The following PHF20 variants were observed in gnomAD, a reference collection of about 807,000 sequenced individuals.
PHF20 encodes glioma-expressed antigen 2.
Under a neutral mutation model 113.5 loss-of-function variants are expected in PHF20, and 23 were observed. That is an observed-to-expected ratio of 0.20 (90% CI 0.15 to 0.29). The LOEUF is 0.29. Among genes scored for constraint, PHF20 ranks in the 10% least tolerant of loss-of-function variants. The probability of loss-of-function intolerance (pLI) is 1.00; values close to 1 mark genes in which losing one functional copy is unlikely to be tolerated. For synonymous variants in PHF20, 434 were observed against 457.3 expected, an observed-to-expected ratio of 0.95 and a Z score of 0.65; for missense variants, 943 against 1,219.6, an observed-to-expected ratio of 0.77 and a Z score of 3.38.
intron 2 of PHF20, among the ~76,000 whole-genome samples, chr20:35,816,235 G>A (rs755558229): frequency 2.0e-5 from 3 of 152,098 alleles, no homozygotes; most frequent in South Asian, 2.1e-4. Flanking sequence ...GATTACAGGC[G>A]TGAGCCACTG....
chr20:35,785,066 G>C (rs912579828), intron 1 of PHF20, among the ~76,000 whole-genome samples: 1 of 151,614 alleles, frequency 6.6e-6, no homozygotes, highest in African/African-American at 2.4e-5. Flanking sequence ...AAAAAAAAGA[G>C]GGTAGTGGGT....
intron 3 of PHF20, 64 bp downstream of exon 3, chr20:35,842,808 A>C (rs1395323085): frequency 1.7e-5 from 25 of 1,432,386 alleles, no homozygotes; most frequent in Non-Finnish European, 2.3e-5. Context: ...TTTGTGTTTC[A>C]ATCTTTGATG....
intron 1 of PHF20, among the ~76,000 whole-genome samples, chr20:35,790,537 A>G (rs1474187253): frequency 1.3e-5 from 2 of 152,060 alleles, no homozygotes; most frequent in Non-Finnish European, 2.9e-5. Flanking sequence ...CACCTATATG[A>G]TGGTTTGAAG....
At chr20:35,880,852 C>G (rs1245679666) in intron 9 of PHF20, among the ~76,000 whole-genome samples, 1 of 151,820 alleles carries the variant, frequency 6.6e-6, no homozygotes, top group African/African-American at 2.4e-5. Context: ...CCTAGCTACT[C>G]GAGAGGCTGA....
chr20:35,899,291 G>T, intron 9 of PHF20, 79 bp from the exon 10 acceptor site: 1 of 1,200,918 alleles, frequency 8.3e-7, no homozygotes, highest in Non-Finnish European at 1.2e-6. Flanking sequence ...TTCACCCTCA[G>T]TTGTCATGTG....
chr20:35,884,392 G>T (rs1362969543), intron 9 of PHF20, among the ~76,000 whole-genome samples: 6 of 152,134 alleles, frequency 3.9e-5, no homozygotes, highest in Non-Finnish European at 7.4e-5. Flanking sequence ...TCTAGTCTAG[G>T]GCTAGCTGTT....
intron 9 of PHF20, among the ~76,000 whole-genome samples, chr20:35,892,364 C>T (rs1471896519): frequency 4.6e-5 from 7 of 151,498 alleles, no homozygotes; most frequent in Admixed American, 4.0e-4. Flanking sequence ...CGTGAGCCAC[C>T]GCACCCGGCC....
Position 35,877,166 on chromosome 20 carries a change from T to A in PHF20, c.1282+5337T>A, listed in dbSNP as rs542139576. On this transcript the variant is annotated intron_variant, in intron 9 of 17. Coordinates refer to ENST00000374012, the MANE Select transcript of PHF20 (RefSeq NM_016436.5). ...TTTGCTGGGCATGGTGGTGGGCGCC[T>A]GTAATCCTGGATACTTGGGAGGCTG... 1.4e-3 allele frequency among the ~76,000 whole-genome samples: 198 copies of A among 145,564 alleles called. 3 individuals carry two copies. Among genetic ancestry groups the A allele is most frequent in the Non-Finnish European group, 1.5e-3 (97 of 66,636 alleles).
intron 2 of PHF20, among the ~76,000 whole-genome samples, chr20:35,804,691 TTTTA>T (rs1199274896): frequency 6.6e-6 from 1 of 151,928 alleles, no homozygotes; most frequent in African/African-American, 2.4e-5. Flanking sequence ...ATTTATTATT[TTTTA>T]TTGTATTTTT....
At chr20:35,890,299 G>T (rs938078324) in intron 9 of PHF20, among the ~76,000 whole-genome samples, 1 of 152,130 alleles carries the variant, frequency 6.6e-6, no homozygotes, top group South Asian at 2.1e-4. Flanking sequence ...CAAAGTGCTG[G>T]AATTACAGGC....
intron 9 of PHF20, among the ~76,000 whole-genome samples, chr20:35,896,103 G>GTGTGTGTGTGTGTGTGTGTGTT (rs1467701010): frequency 3.9e-4 from 60 of 152,098 alleles, no homozygotes; most frequent in African/African-American, 1.4e-3. Flanking sequence ...GTGTGTGTGT[G>GTGTGTGTGTGTGTGTGTGTGTT]TGTGTGTGTG....
chr20:35,870,468 G>A (rs2146988365), intron 7 of PHF20, among the ~76,000 whole-genome samples: 1 of 152,146 alleles, frequency 6.6e-6, no homozygotes, highest in Admixed American at 6.6e-5. Context: ...GTGATAGAGT[G>A]AGACTCTGTC....
intron 1 of PHF20, among the ~76,000 whole-genome samples, chr20:35,777,565 C>G (rs182866770): frequency 1.4e-4 from 22 of 152,282 alleles, no homozygotes; most frequent in Admixed American, 5.9e-4. Context: ...CCTGTAATCC[C>G]AACACTTTGG....
intron 6 of PHF20, among the ~76,000 whole-genome samples, chr20:35,865,014 C>T (rs1422598284): frequency 7.2e-5 from 11 of 151,898 alleles, no homozygotes; most frequent in African/African-American, 2.2e-4. Context: ...GGTGAAACCC[C>T]GTCTCTACTG....
rs1445166376 is a variant in PHF20 at position 35,949,109 on chromosome 20, T to C, written c.*1482T>C. Reference sequence around the variant, plus strand: ...TCACCATTTGATATATAATGAATTATAGGACAAGTATAAGCTGATCTGCTA... The same window carrying C: ...TCACCATTTGATATATAATGAATTACAGGACAAGTATAAGCTGATCTGCTA... On this transcript the variant is annotated 3_prime_UTR_variant, in exon 18 of 18. Transcript: ENST00000374012. 3 of 152,696 alleles carry C rather than the reference T, an allele frequency of 2.0e-5. No homozygotes were observed. The highest frequency in any genetic ancestry group is 1.9e-4 in the East Asian group (1 of 5,206). The allele number at this position is 152,696 out of a possible 1,614,324, so 9.5% of individuals were successfully genotyped here.
chr20:35,820,640 G>A (rs1193374134), intron 2 of PHF20, among the ~76,000 whole-genome samples: 2 of 151,758 alleles, frequency 1.3e-5, no homozygotes, highest in Non-Finnish European at 2.9e-5. Flanking sequence ...TAGTAGAGAT[G>A]GGGTTTCACT....
chr20:35,819,888 T>C lies in PHF20; in HGVS notation c.83+18283T>C, dbSNP rs376487172. ...GTCTTTGCTAGTGACTCACATTTAT[T>C]GAGTGATTTACTCTGTGCCAGGCAC... On this transcript the variant is annotated intron_variant, in intron 2 of 17. Coordinates refer to ENST00000374012, the MANE Select transcript of PHF20 (RefSeq NM_016436.5). Among the ~76,000 whole-genome samples, 6 of 152,356 alleles carry C rather than the reference T, an allele frequency of 3.9e-5. No homozygotes were observed. The East Asian group carries it at 1.2e-3, about 29-fold the overall frequency.
At chr20:35,886,586 G>T (rs1414025121) in intron 9 of PHF20, among the ~76,000 whole-genome samples, 1 of 152,216 alleles carries the variant, frequency 6.6e-6, no homozygotes, top group Non-Finnish European at 1.5e-5. Flanking sequence ...TAGCAACTGT[G>T]TTGGGCCTTG....
chr20:35,808,208 A>G (rs936520802), intron 2 of PHF20, among the ~76,000 whole-genome samples: 2 of 151,968 alleles, frequency 1.3e-5, no homozygotes, highest in African/African-American at 2.4e-5. Flanking sequence ...TTCCTTTCCA[A>G]TCCTCTGCTT....
Sources: allele counts gnomAD v4.1 joint callset (sites outside exome capture counted in the v4.1 genomes callset), GRCh38; gene constraint gnomAD v4.1.1; transcripts MANE v1.5; gene names NCBI Gene and HGNC (gene_info 2026-07-23, HGNC 2026-07-21).